Variants in PIK3AP1 observed in about 807,000 individuals in gnomAD.
PIK3AP1 encodes phosphoinositide-3-kinase adaptor protein 1.
A neutral mutation model predicts 88.1 loss-of-function variants in PIK3AP1; 21 were observed. That is an observed-to-expected ratio of 0.24 (90% confidence interval 0.17 to 0.34). PIK3AP1 has a LOEUF of 0.34. Among genes scored for constraint, PIK3AP1 ranks in the 10% least tolerant of loss-of-function variants. The pLI, the probability that PIK3AP1 is intolerant of heterozygous loss-of-function variation, is 1.00. For missense variants in PIK3AP1, 828 were observed against 1,035.7 expected (o/e 0.80, Z 2.75); for synonymous variants, 398 against 400.0 (o/e 1.00, Z 0.06).
rs1843678825 is a variant in PIK3AP1 at position 96,661,011 on chromosome 10, C to T, written c.431-4077G>A. 2.0e-5 allele frequency among the ~76,000 whole-genome samples: 3 copies of T among 152,028 alleles called. No homozygotes were observed. The South Asian group carries it at 6.2e-4, about 32-fold the overall frequency. On this transcript the variant is annotated intron_variant, in intron 2 of 16. Transcript: ENST00000339364. Reference sequence around the variant, plus strand: ...ACCAGCCTGGCCAACATGGTGAAACCCTGTTTCTACTGAAAATACAAAAAT... The same window carrying T: ...ACCAGCCTGGCCAACATGGTGAAACTCTGTTTCTACTGAAAATACAAAAAT...
At chr10:96,621,613 G>C (rs2134202593) in intron 11 of PIK3AP1, 1 of 152,470 alleles carries the variant, frequency 6.6e-6, no homozygotes, top group East Asian at 1.9e-4. Flanking sequence ...CCACAACCTT[G>C]GCCTGATGTC....
chr10:96,641,106 T>TG (rs1304124034), intron 8 of PIK3AP1, among the ~76,000 whole-genome samples: 2 of 122,230 alleles, frequency 1.6e-5, no homozygotes, highest in African/African-American at 5.2e-5. Flanking sequence ...TGTGTGTGTG[T>TG]GTGTGTGTGT....
chr10:96,635,642 T>C (rs1029904835), intron 8 of PIK3AP1, among the ~76,000 whole-genome samples: 3 of 152,200 alleles, frequency 2.0e-5, no homozygotes, highest in Non-Finnish European at 4.4e-5. Context: ...CGCTGACTCA[T>C]GTCTGTAATC....
intron 12 of PIK3AP1, among the ~76,000 whole-genome samples, chr10:96,617,418 T>C (rs1297171794): frequency 6.6e-6 from 1 of 152,140 alleles, no homozygotes; most frequent in Non-Finnish European, 1.5e-5. Context: ...AGGTTCATGT[T>C]GGGGAGTCAC....
chr10:96,665,944 T>G (rs578080392), intron 2 of PIK3AP1, among the ~76,000 whole-genome samples: 1 of 152,124 alleles, frequency 6.6e-6, no homozygotes, highest in Non-Finnish European at 1.5e-5. Context: ...CTCCACACAG[T>G]GCACAGGACG....
chr10:96,712,393 C>G (rs1844450570), intron 1 of PIK3AP1, among the ~76,000 whole-genome samples: 1 of 152,162 alleles, frequency 6.6e-6, no homozygotes, highest in South Asian at 2.1e-4. Flanking sequence ...AATGCCTACC[C>G]TGATTCCAAA....
At chr10:96,676,393 A>G (rs1843919909) in intron 2 of PIK3AP1, among the ~76,000 whole-genome samples, 1 of 150,134 alleles carries the variant, frequency 6.7e-6, no homozygotes. Flanking sequence ...ATCTTACCAG[A>G]GTCACAGAGT....
intron 2 of PIK3AP1, among the ~76,000 whole-genome samples, chr10:96,673,710 C>T (rs1020565004): frequency 6.6e-6 from 1 of 152,090 alleles, no homozygotes; most frequent in African/African-American, 2.4e-5. Context: ...GGTGTGAGGA[C>T]GGACAAATGG....
Position 96,594,357 on chromosome 10 carries a change from T to A in PIK3AP1, c.*1220A>T, listed in dbSNP as rs1272571615. On this transcript the variant is annotated 3_prime_UTR_variant, in exon 17 of 17. Coordinates refer to ENST00000339364, the MANE Select transcript of PIK3AP1 (RefSeq NM_152309.3). The surrounding 1 kb of genome is among the most constrained non-coding windows in gnomAD (Gnocchi z 4.6). Reference sequence around the variant, plus strand: ...TGCACATCCTCCTGTATGCTTTAAATCATTTCTAGATTTCTTATAATATCT... The same window carrying A: ...TGCACATCCTCCTGTATGCTTTAAAACATTTCTAGATTTCTTATAATATCT... The A allele has an allele frequency of 1.3e-5, 2 of 152,264 alleles. No individual in the cohort carries two copies. The highest frequency in any genetic ancestry group is 2.9e-5 in the Non-Finnish European group (2 of 68,050). 9.4% of individuals were successfully genotyped at this position (152,264 alleles called of 1,614,324 possible). A position where few individuals can be genotyped will look rare whatever the true frequency, so the allele number is the denominator to read the frequency against.
At chr10:96,626,096 G>A (rs779677812) in intron 10 of PIK3AP1, among the ~76,000 whole-genome samples, 7 of 152,078 alleles carry the variant, frequency 4.6e-5, no homozygotes, top group Middle Eastern at 3.4e-3. Flanking sequence ...CAATCGAGTC[G>A]AAAAAATAGT....
intron 2 of PIK3AP1, among the ~76,000 whole-genome samples, chr10:96,670,175 G>C (rs4393246): frequency 8.4e-6 from 1 of 119,050 alleles, no homozygotes; most frequent in Non-Finnish European, 1.6e-5. Context: ...AAAAAAAAAA[G>C]AGAGAGAGAG....
At chr10:96,645,727 C>A in intron 7 of PIK3AP1, 65 bp from the exon 8 acceptor site, 1 of 1,408,338 alleles carries the variant, frequency 7.1e-7, no homozygotes, top group South Asian at 1.4e-5. Context: ...GAACTTGGCC[C>A]CCGAAGGCAC....
chr10:96,674,587 A>G (rs1843891270), intron 2 of PIK3AP1, among the ~76,000 whole-genome samples: 1 of 152,236 alleles, frequency 6.6e-6, no homozygotes, highest in African/African-American at 2.4e-5. Context: ...TTGTATCCCC[A>G]GGGCTTAGAA....
At chr10:96,602,192 T>C (rs1371794615) in intron 16 of PIK3AP1, 88 bp downstream of exon 16, 74 of 1,150,218 alleles carry the variant, frequency 6.4e-5, no homozygotes. Flanking sequence ...TCTGCGCTTA[T>C]TCTTTAGTCA....
chr10:96,599,677 G>A (rs1052440781), intron 16 of PIK3AP1, among the ~76,000 whole-genome samples: 2 of 152,174 alleles, frequency 1.3e-5, no homozygotes, highest in East Asian at 1.9e-4. Context: ...TCATTCTGGA[G>A]AGAGTCCCAT....
At chr10:96,650,152 C>T (rs531363703) in intron 6 of PIK3AP1, among the ~76,000 whole-genome samples, 4 of 152,220 alleles carry the variant, frequency 2.6e-5, no homozygotes, top group Non-Finnish European at 4.4e-5. Flanking sequence ...GTCACATCTA[C>T]AAAAGTGCTG....
intron 16 of PIK3AP1, among the ~76,000 whole-genome samples, chr10:96,601,274 G>A (rs561118479): frequency 2.0e-5 from 3 of 151,866 alleles, no homozygotes; most frequent in Non-Finnish European, 4.4e-5. Flanking sequence ...AGGAGTTCGA[G>A]GCCAGCCTAG....
intron 1 of PIK3AP1, among the ~76,000 whole-genome samples, chr10:96,714,495 T>C (rs1044209049): frequency 3.7e-4 from 57 of 152,226 alleles, no homozygotes; most frequent in Admixed American, 2.5e-3. Context: ...AAATACAGAA[T>C]ATAGTTTAGA....
At chr10:96,702,614 CCACACACA>C (rs3035892) in intron 2 of PIK3AP1, among the ~76,000 whole-genome samples, 8 of 145,078 alleles carry the variant, frequency 5.5e-5, no homozygotes, top group African/African-American at 1.3e-4. Flanking sequence ...AGTGTTCTCA[CCACACACA>C]CACACACACA....
Sources: allele counts gnomAD v4.1 joint callset (sites outside exome capture counted in the v4.1 genomes callset), GRCh38; gene constraint gnomAD v4.1.1; non-coding constraint Gnocchi (gnomAD v3.1); transcripts MANE v1.5; gene names NCBI Gene and HGNC (gene_info 2026-07-23, HGNC 2026-07-21).